Variants in PPARG observed in about 807,000 individuals in gnomAD.
PPARG encodes the protein peroxisome proliferator activated receptor gamma.
A neutral mutation model predicts 39.2 loss-of-function variants in PPARG; 17 were observed. The observed-to-expected ratio is 0.43, with a 90% CI of 0.30 to 0.65. The LOEUF is 0.65. PPARG is among the 30% of genes least tolerant of loss of function. The pLI is 0.13. For missense variants in PPARG, 406 were observed against 585.9 expected (o/e 0.69, Z 3.17); for synonymous variants, 223 against 215.7 (o/e 1.03, Z -0.30).
chr3:12,424,744 G>C (rs1475346069), intron 7 of PPARG, among the ~76,000 whole-genome samples: 4 of 152,154 alleles, frequency 2.6e-5, no homozygotes, highest in African/African-American at 4.8e-5. Flanking sequence ...GAAGAGGCAG[G>C]CTGGCCCATT....
rs77436650 is a variant in PPARG at position 12,346,577 on chromosome 3, G to T, written c.-8-33127G>T. ...TCCAATGTCAGTGTTCTTTTCTACT[G>T]CTTCTGAGTTAAGAAGACCTTTTTT... On this transcript the variant is annotated intron_variant, in intron 2 of 7. Transcript: ENST00000651735. 4.9e-3 allele frequency among the ~76,000 whole-genome samples: 748 copies of T among 152,010 alleles called. 3 individuals carry two copies. Among genetic ancestry groups the T allele is most frequent in the African/African-American group, 0.017 (704 of 41,450 alleles).
At chr3:12,322,532 A>G (rs1352421862) in intron 2 of PPARG, among the ~76,000 whole-genome samples, 3 of 152,270 alleles carry the variant, frequency 2.0e-5, no homozygotes, top group African/African-American at 7.2e-5. Flanking sequence ...CAGAACTGGA[A>G]TGGTCAGTAG....
Position 12,432,044 on chromosome 3 carries a change from T to C in PPARG, c.1181-1854T>C, listed in dbSNP as rs1007190432. ...TATAAATTACTAAAACTTTACCATA[T>C]AAGTAGTAGAAAGCCTGAATAGATA... On this transcript the variant is annotated intron_variant, in intron 7 of 7. Coordinates refer to ENST00000651735, the MANE Select transcript of PPARG (RefSeq NM_138711.6). 5.3e-5 allele frequency among the ~76,000 whole-genome samples: 8 copies of C among 152,122 alleles called. No homozygotes were observed. The East Asian group carries it at 1.3e-3, about 26-fold the overall frequency.
chr3:12,411,406 A>G (rs925125408), intron 6 of PPARG, among the ~76,000 whole-genome samples: 5 of 152,178 alleles, frequency 3.3e-5, no homozygotes, highest in African/African-American at 1.2e-4. Context: ...ACAGCTTTCA[A>G]ACTTCACTTC....
In PPARG at chr3:12,392,680, C is replaced by T. The variant is rs1475289630; in HGVS notation, c.457C>T (p.His153Tyr). ...CAGATGTGATCTTAACTGTCGGATC[C>T]ACAAAAAAAGTAGAAATAAATGTCA... is the stretch of plus-strand genomic sequence containing the variant. ...YDRCDLNCRI[H>Y]KKSRNKCQYC... Residue 153 changes from histidine (H) to tyrosine (Y), a missense_variant, in exon 5 of 8, where the codon CAC (histidine) becomes TAC (tyrosine). This residue lies in a region of PPARG where 275 missense variants were observed against 458.0 expected (regional missense o/e 0.60). Transcript: ENST00000651735. 9.3e-6 allele frequency: 15 copies of T among 1,613,626 alleles called. No individual in the cohort carries two copies. Among genetic ancestry groups the T allele is most frequent in the Admixed American group, 5.0e-5 (3 of 59,952 alleles).
chr3:12,357,988 A>T (rs1199675838), intron 2 of PPARG, among the ~76,000 whole-genome samples: 1 of 152,218 alleles, frequency 6.6e-6, no homozygotes, highest in African/African-American at 2.4e-5. Context: ...TATATTTAGC[A>T]AATAAATACA....
At chr3:12,354,381 G>A (rs964300455) in intron 2 of PPARG, among the ~76,000 whole-genome samples, 1 of 152,004 alleles carries the variant, frequency 6.6e-6, no homozygotes, top group Admixed American at 6.6e-5. Flanking sequence ...TAGATCTAAA[G>A]CCCTATATGG....
At position 12,406,052 on chromosome 3, in the gene PPARG, A is replaced by G. The variant is rs1339677544; in HGVS notation, c.700A>G (p.Ile234Val). The part of the protein sequence containing the change: ...FPLTKAKARA[I>V]LTGKTTDKSP... ...GCTGACCAAAGCAAAGGCGAGGGCG[A>G]TCTTGACAGGAAAGACAACAGACAA... Residue 234 changes from isoleucine (I) to valine (V), a missense_variant, in exon 6 of 8, where the codon ATC becomes GTC. Physicochemically the swap from Ile to Val is conservative, Grantham distance 29 (BLOSUM62 3). This residue lies in a region of PPARG where 275 missense variants were observed against 458.0 expected (regional missense o/e 0.60). Transcript: ENST00000651735. 1 of 1,614,126 alleles carries G rather than the reference A, an allele frequency of 6.2e-7. No individual in the cohort carries two copies. Among genetic ancestry groups the G allele is most frequent in the Non-Finnish European group, 8.5e-7 (1 of 1,180,004 alleles).
At chr3:12,418,920 T>G (rs1291897723) in intron 7 of PPARG, among the ~76,000 whole-genome samples, 3 of 151,938 alleles carry the variant, frequency 2.0e-5, no homozygotes, top group Non-Finnish European at 4.4e-5. Flanking sequence ...ATATTGTGGG[T>G]TTTTGTTGTT....
intron 2 of PPARG, among the ~76,000 whole-genome samples, chr3:12,357,926 G>A (rs1397149611): frequency 6.6e-6 from 1 of 152,096 alleles, no homozygotes; most frequent in Non-Finnish European, 1.5e-5. Context: ...GTATAATCAG[G>A]TCTTGTTGAC....
chr3:12,426,960 A>G (rs2051470566), intron 7 of PPARG, among the ~76,000 whole-genome samples: 1 of 152,182 alleles, frequency 6.6e-6, no homozygotes, highest in African/African-American at 2.4e-5. Context: ...AGCTATTAAA[A>G]ATCCTGAAGG....
At position 12,347,011 on chromosome 3, in the gene PPARG, A is replaced by G. The variant is rs564681500; in HGVS notation, c.-8-32693A>G. Among the ~76,000 whole-genome samples, 20 of 152,228 alleles carry G rather than the reference A, an allele frequency of 1.3e-4. 1 individual carries two copies. In the South Asian group the frequency reaches 3.9e-3, roughly 30 times the overall value. ...TCCATAAAATATATTACTTTTGAAA[A>G]TCTGAACAAAATTACAGTTTTTGGT... On this transcript the variant is annotated intron_variant, in intron 2 of 7. Coordinates refer to ENST00000651735, the MANE Select transcript of PPARG (RefSeq NM_138711.6).
At chr3:12,410,628 G>C (rs980335254) in intron 6 of PPARG, among the ~76,000 whole-genome samples, 6 of 152,168 alleles carry the variant, frequency 3.9e-5, no homozygotes, top group African/African-American at 1.4e-4. Context: ...TGGAGTCACT[G>C]TATTTATAAT....
At chr3:12,350,840 A>T (rs1264993045) in intron 2 of PPARG, among the ~76,000 whole-genome samples, 1 of 152,202 alleles carries the variant, frequency 6.6e-6, no homozygotes, top group East Asian at 1.9e-4. Flanking sequence ...ATTGATGGAT[A>T]AGCTGAAGTT....
intron 6 of PPARG, among the ~76,000 whole-genome samples, chr3:12,410,273 T>G (rs1432478529): frequency 6.6e-6 from 1 of 152,188 alleles, no homozygotes; most frequent in Non-Finnish European, 1.5e-5. Flanking sequence ...CAGAACTAGG[T>G]GCTCTGTTTC....
At chr3:12,427,903 G>T (rs1363010665) in intron 7 of PPARG, among the ~76,000 whole-genome samples, 2 of 152,278 alleles carry the variant, frequency 1.3e-5, no homozygotes, top group African/African-American at 4.8e-5. Flanking sequence ...AATCACATTT[G>T]TTTTGTTTGT....
intron 2 of PPARG, among the ~76,000 whole-genome samples, chr3:12,317,225 G>C (rs2047414136): frequency 6.6e-6 from 1 of 152,182 alleles, no homozygotes; most frequent in Non-Finnish European, 1.5e-5. Flanking sequence ...TTAAAGGCAG[G>C]TGGAACTGAG....
chr3:12,394,887 G>T (rs113662035), intron 5 of PPARG, among the ~76,000 whole-genome samples: 2 of 152,166 alleles, frequency 1.3e-5, no homozygotes, highest in African/African-American at 4.8e-5. Flanking sequence ...ATCAAAAGAG[G>T]CTCTGAGTGT....
At chr3:12,361,223 A>T (rs535408580) in intron 2 of PPARG, among the ~76,000 whole-genome samples, 28 of 152,344 alleles carry the variant, frequency 1.8e-4, no homozygotes, top group Middle Eastern at 3.4e-3. Context: ...TACCTGTTCA[A>T]GTCTTTCACC....
Sources: gnomAD v4.1 joint callset for allele counts (sites outside exome capture counted in the v4.1 genomes callset) on GRCh38, gnomAD v4.1.1 for gene constraint, gnomAD v4.1.1 regional missense constraint, MANE v1.5 for transcripts, NCBI Gene and HGNC (gene_info 2026-07-23, HGNC 2026-07-21) for gene names.